SLC9A9: variants seen among roughly 807,000 people sequenced by gnomAD.
SLC9A9 encodes sodium/hydrogen exchanger 9.
A neutral mutation model predicts 77.8 loss-of-function variants in SLC9A9; 62 were observed. That is an observed-to-expected ratio of 0.80 (90% CI 0.65 to 0.98). The LOEUF is 0.98. Among genes scored for constraint, SLC9A9 ranks in the 50% least tolerant of loss-of-function variants. The probability of loss-of-function intolerance (pLI) is 0.00; values close to 1 mark genes in which losing one functional copy is unlikely to be tolerated. For synonymous variants in SLC9A9, 320 were observed against 283.5 expected, an observed-to-expected ratio of 1.13 and a Z score of -1.29; for missense variants, 775 against 774.9, an observed-to-expected ratio of 1.00 and a Z score of 0.00.
intron 4 of SLC9A9, among the ~76,000 whole-genome samples, chr3:143,753,452 T>C (rs1449894486): frequency 6.6e-6 from 1 of 152,130 alleles, no homozygotes; most frequent in East Asian, 1.9e-4. Flanking sequence ...AAGAACAAGG[T>C]GGAATTTTAT....
intron 12 of SLC9A9, among the ~76,000 whole-genome samples, chr3:143,415,619 A>G (rs2108523362): frequency 6.6e-6 from 1 of 152,340 alleles, no homozygotes; most frequent in Admixed American, 6.5e-5. Flanking sequence ...ATTCCTTTCA[A>G]AACATTGCTA....
intron 8 of SLC9A9, among the ~76,000 whole-genome samples, chr3:143,558,115 C>G (rs1355479639): frequency 6.6e-6 from 1 of 152,204 alleles, no homozygotes; most frequent in African/African-American, 2.4e-5. Flanking sequence ...TTAGCTCCAG[C>G]TTTTACATGG....
intron 11 of SLC9A9, among the ~76,000 whole-genome samples, chr3:143,469,655 A>G (rs2035344027): frequency 6.6e-6 from 1 of 152,226 alleles, no homozygotes; most frequent in African/African-American, 2.4e-5. Context: ...ACTATTCAAG[A>G]GACAAGTGGC....
At chr3:143,441,834 T>TCATTCATCCATCCATC (rs1553755021) in intron 12 of SLC9A9, among the ~76,000 whole-genome samples, 14 of 129,716 alleles carry the variant, frequency 1.1e-4, no homozygotes, top group South Asian at 2.3e-4. Flanking sequence ...ATTTACTCAT[T>TCATTCATCCATCCATC]CATCCATCCA....
chr3:143,637,340 C>T (rs2038540308), intron 6 of SLC9A9, among the ~76,000 whole-genome samples: 1 of 152,106 alleles, frequency 6.6e-6, no homozygotes, highest in Admixed American at 6.5e-5. Flanking sequence ...TTACAAAATA[C>T]AGTTGAAAGC....
chr3:143,696,041 T>C (rs529794042), intron 4 of SLC9A9, among the ~76,000 whole-genome samples: 1 of 152,352 alleles, frequency 6.6e-6, no homozygotes, highest in East Asian at 1.9e-4. Flanking sequence ...AGATTCTGGA[T>C]ATTAGCCCTT....
chr3:143,598,188 C>A (rs1034383580), intron 6 of SLC9A9, among the ~76,000 whole-genome samples: 3 of 152,102 alleles, frequency 2.0e-5, no homozygotes, highest in African/African-American at 7.2e-5. Context: ...CTTTCCCTAC[C>A]GATACCAGCG....
rs113115025 is a variant in SLC9A9 at position 143,576,757 on chromosome 3, T to C, written c.894+1828A>G. Among the ~76,000 whole-genome samples the C allele has an allele frequency of 4.6e-5, 7 of 152,292 alleles. 1 individual carries two copies. Among genetic ancestry groups the C allele is most frequent in the South Asian group, 2.1e-4 (1 of 4,816 alleles). On this transcript the variant is annotated intron_variant, in intron 7 of 15. Transcript: ENST00000316549. The stretch of plus-strand genomic sequence containing the variant: ...AAATAGCATCTGGTGATAGGATCAT[T>C]GTGAAGGTTAGATGAGACACTCATG...
intron 4 of SLC9A9, among the ~76,000 whole-genome samples, chr3:143,772,705 G>C (rs368205180): frequency 1.3e-5 from 2 of 152,340 alleles, no homozygotes; most frequent in East Asian, 1.9e-4. Context: ...TTAATAAGCT[G>C]AGTGGTTGCC....
intron 11 of SLC9A9, among the ~76,000 whole-genome samples, chr3:143,481,267 G>A (rs2035569009): frequency 6.6e-6 from 1 of 152,166 alleles, no homozygotes; most frequent in Non-Finnish European, 1.5e-5. Context: ...GGAAACAGAT[G>A]AGAATGATAC....
intron 12 of SLC9A9, among the ~76,000 whole-genome samples, chr3:143,461,532 G>A (rs2035192025): frequency 6.6e-6 from 1 of 152,080 alleles, no homozygotes; most frequent in South Asian, 2.1e-4. Flanking sequence ...CACACAGAAT[G>A]CTCAATCCTT....
intron 4 of SLC9A9, among the ~76,000 whole-genome samples, chr3:143,777,882 T>A (rs2007744359): frequency 6.6e-6 from 1 of 151,818 alleles, no homozygotes; most frequent in Non-Finnish European, 1.5e-5. Flanking sequence ...ACCTGGCTAA[T>A]TTTTGTATTT....
intron 4 of SLC9A9, among the ~76,000 whole-genome samples, chr3:143,726,143 G>A (rs1181135305): frequency 6.7e-6 from 1 of 150,318 alleles, no homozygotes; most frequent in East Asian, 2.0e-4. Context: ...TTAGGTGATA[G>A]GTTGGTCTGT....
rs138098483 is a variant in SLC9A9 at position 143,506,375 on chromosome 3, A to G, written c.1090-10927T>C. 4.9e-3 allele frequency among the ~76,000 whole-genome samples: 746 copies of G among 152,356 alleles called. 4 individuals are homozygous for G. Among genetic ancestry groups the G allele is most frequent in the African/African-American group, 0.016 (651 of 41,570 alleles). ...AAGTGAATGGCATTTTTGGACCTAT[A>G]TAACTGTTAGAAATCCTTCCTTATG... On this transcript the variant is annotated intron_variant, in intron 9 of 15. Transcript: ENST00000316549.
chr3:143,397,907 A>C (rs1000964042), intron 12 of SLC9A9, among the ~76,000 whole-genome samples: 2 of 152,218 alleles, frequency 1.3e-5, no homozygotes, highest in Admixed American at 1.3e-4. Context: ...TAATATATTT[A>C]AAGAACTGTA....
intron 4 of SLC9A9, among the ~76,000 whole-genome samples, chr3:143,765,194 C>T (rs931455919): frequency 3.3e-5 from 5 of 149,628 alleles, no homozygotes; most frequent in Non-Finnish European, 7.4e-5. Context: ...CCCTTCCTCC[C>T]TTTCTCTCTC....
chr3:143,652,952 C>T (rs984571408), intron 5 of SLC9A9, among the ~76,000 whole-genome samples: 8 of 152,178 alleles, frequency 5.3e-5, no homozygotes, highest in African/African-American at 1.4e-4. Context: ...CTGAACTTAC[C>T]ACAGAAAGGA....
At chr3:143,484,474 T>C (rs1438483458) in intron 11 of SLC9A9, among the ~76,000 whole-genome samples, 1 of 152,214 alleles carries the variant, frequency 6.6e-6, no homozygotes, top group African/African-American at 2.4e-5. Context: ...GTCTGGAGCA[T>C]TCTCTTTTGA....
chr3:143,597,212 GC>G (rs892186770), intron 6 of SLC9A9, among the ~76,000 whole-genome samples: 1 of 152,208 alleles, frequency 6.6e-6, no homozygotes, highest in African/African-American at 2.4e-5. Context: ...GTAAGTTCAT[GC>G]TTGGCTTGGA....
Sources: gnomAD v4.1 joint callset for allele counts (sites outside exome capture counted in the v4.1 genomes callset) on GRCh38, gnomAD v4.1.1 for gene constraint, MANE v1.5 for transcripts, NCBI Gene and HGNC (gene_info 2026-07-23, HGNC 2026-07-21) for gene names.